DST: variants seen among roughly 807,000 people sequenced by gnomAD.
DST encodes the protein bullous pemphigoid antigen.
DST carries 253 observed loss-of-function variants against 875.2 expected under a neutral mutation model. The ratio of observed to expected loss-of-function variants is 0.29; its 90% CI spans 0.26 to 0.32. The LOEUF is 0.32. Among genes scored for constraint, DST ranks in the 10% least tolerant of loss-of-function variants. DST has a pLI of 1.00. For missense variants in DST, 8,287 were observed against 9,111.6 expected, an observed-to-expected ratio of 0.91 and a Z score of 3.68; for synonymous variants, 3,124 against 3,197.1, an observed-to-expected ratio of 0.98 and a Z score of 0.77.
chr6:56,562,095 A>T, intron 56 of DST, 43 bp downstream of exon 56: 1 of 1,284,508 alleles, frequency 7.8e-7, no homozygotes, highest in Non-Finnish European at 1.1e-6. Flanking sequence ...TTAAAAAAAC[A>T]TCAAATTACA....
intron 3 of DST, among the ~76,000 whole-genome samples, chr6:56,873,189 T>G (rs1312227555): frequency 6.6e-6 from 1 of 152,254 alleles, no homozygotes; most frequent in Admixed American, 6.5e-5. Context: ...TTTAATCAGA[T>G]TATTTGTCTT....
intron 10 of DST, chr6:56,670,419 G>C (rs1345341285): frequency 9.0e-6 from 3 of 331,738 alleles, no homozygotes; most frequent in Non-Finnish European, 1.1e-5. Flanking sequence ...GGCTGTTCTC[G>C]AACTCCCAGG....
chr6:56,594,221 T>G (rs916016963), intron 47 of DST, 28 bp from the exon 48 acceptor site: 1 of 1,499,774 alleles, frequency 6.7e-7, no homozygotes, highest in East Asian at 2.3e-5. Context: ...GATCATAATC[T>G]TCAAGCAGTA....
chr6:56,662,813 G>A (rs1433480025), intron 10 of DST, among the ~76,000 whole-genome samples: 1 of 152,070 alleles, frequency 6.6e-6, no homozygotes, highest in Non-Finnish European at 1.5e-5. Context: ...ATGGGGGCGG[G>A]GGGGTCATGC....
chr6:56,788,128 CAAAAAAAAAAAAAA>C (rs781369739), intron 4 of DST, among the ~76,000 whole-genome samples: 1 of 26,586 alleles, frequency 3.8e-5, no homozygotes, highest in Admixed American at 6.0e-4. Context: ...GACTCCGTCT[CAAAAAAAAAAAAAA>C]AAAAAAAAAA....
At chr6:56,867,606 G>T (rs112908049) in intron 3 of DST, among the ~76,000 whole-genome samples, 9 of 152,152 alleles carry the variant, frequency 5.9e-5, no homozygotes, top group Non-Finnish European at 1.3e-4. Flanking sequence ...CGGATCACGA[G>T]GTCAGGAGAT....
chr6:56,906,782 T>C (rs1796609143), intron 2 of DST, among the ~76,000 whole-genome samples: 1 of 152,200 alleles, frequency 6.6e-6, no homozygotes, highest in African/African-American at 2.4e-5. Flanking sequence ...AGTGTGTCCC[T>C]GTCCTAAATT....
rs374562301 is a variant in DST at position 56,872,693 on chromosome 6, T to C, written c.418-21089A>G. Among the ~76,000 whole-genome samples the C allele has an allele frequency of 2.0e-4, 30 of 152,276 alleles. No individual in the cohort carries two copies. The East Asian group carries it at 5.6e-3, about 28-fold the overall frequency. On this transcript the variant is annotated intron_variant, in intron 3 of 103. Coordinates refer to ENST00000680361, the MANE Select transcript of DST (RefSeq NM_001374736.1). ...GAAAAAGAGACCATATCATTAGACA[T>C]AGGTTACTACCAAGATCTTAGCTTT...
chr6:56,676,913 G>A (rs1039885970), intron 9 of DST, among the ~76,000 whole-genome samples: 5 of 152,024 alleles, frequency 3.3e-5, no homozygotes, highest in Admixed American at 2.6e-4. Flanking sequence ...GGGCGATATC[G>A]GTCAAAGGAT....
intron 9 of DST, among the ~76,000 whole-genome samples, chr6:56,696,558 G>A (rs2099265082): frequency 6.6e-6 from 1 of 152,040 alleles, no homozygotes; most frequent in Non-Finnish European, 1.5e-5. Context: ...ACTCCTTTTT[G>A]AAGACTTTTG....
chr6:56,670,062 A>G (rs1336122954), intron 10 of DST, among the ~76,000 whole-genome samples: 1 of 152,062 alleles, frequency 6.6e-6, no homozygotes, highest in African/African-American at 2.4e-5. Flanking sequence ...AGGCAAAATC[A>G]AAGTCTGCTA....
chr6:56,771,624 A>C (rs1692679963), intron 4 of DST, among the ~76,000 whole-genome samples: 1 of 152,180 alleles, frequency 6.6e-6, no homozygotes, highest in Non-Finnish European at 1.5e-5. Context: ...TTCCTATCTA[A>C]AAAACTGGAA....
At chr6:56,661,884 G>C (rs898227054) in intron 10 of DST, among the ~76,000 whole-genome samples, 1 of 152,072 alleles carries the variant, frequency 6.6e-6, no homozygotes, top group Non-Finnish European at 1.5e-5. Context: ...CACCGCGCCC[G>C]GCCGACCCTC....
chr6:56,635,576 T>A lies in DST; in HGVS notation c.3186+13A>T. On this transcript the variant is annotated intron_variant, in intron 24 of 103. Transcript: ENST00000680361. ...ATGCATACTTATAAAATGCATAGGT[T>A]TTGTATTAGTACCATTGATTCCTGA... 1.2e-6 allele frequency: 2 copies of A among 1,613,682 alleles called. No homozygotes were observed. Among genetic ancestry groups the A allele is most frequent in the Non-Finnish European group, 1.7e-6 (2 of 1,179,716 alleles).
chr6:56,885,809 T>C (rs142105280), intron 3 of DST, among the ~76,000 whole-genome samples: 77 of 152,252 alleles, frequency 5.1e-4, no homozygotes, highest in African/African-American at 1.8e-3. Context: ...GAAAATAAAT[T>C]TCTATTATTT....
chr6:56,912,349 A>C (rs984112937), intron 2 of DST, among the ~76,000 whole-genome samples: 38 of 152,304 alleles, frequency 2.5e-4, no homozygotes, highest in African/African-American at 8.9e-4. Flanking sequence ...AATTAATTAA[A>C]ATTAAATTAA....
At chr6:56,538,494 T>C (rs76226833) in intron 61 of DST, among the ~76,000 whole-genome samples, 2,505 of 152,218 alleles carry the variant, frequency 0.016, 72 homozygotes, top group African/African-American at 0.056. Flanking sequence ...CATATTAAAA[T>C]AGCACTTCAG....
At chr6:56,842,918 G>C (rs1451448006) in intron 4 of DST, 4 of 819,026 alleles carry the variant, frequency 4.9e-6, no homozygotes, top group African/African-American at 1.8e-5. Flanking sequence ...CGTGCAAAAA[G>C]ACCTGGTCCA....
At chr6:56,713,808 C>T (rs963231369) in intron 5 of DST, among the ~76,000 whole-genome samples, 6 of 152,104 alleles carry the variant, frequency 3.9e-5, no homozygotes, top group African/African-American at 1.4e-4. Context: ...CTCTTCATAG[C>T]ATATTTTATA....
Sources: allele counts gnomAD v4.1 joint callset (sites outside exome capture counted in the v4.1 genomes callset), GRCh38; gene constraint gnomAD v4.1.1; transcripts MANE v1.5; gene names NCBI Gene and HGNC (gene_info 2026-07-23, HGNC 2026-07-21).